LGALS13: variants seen among roughly 807,000 people sequenced by gnomAD.
LGALS13 encodes the protein galactoside-binding soluble lectin 13.
In LGALS13, 11 loss-of-function variants were observed where a neutral mutation model predicts 13.2. The ratio of observed to expected loss-of-function variants is 0.83; its 90% confidence interval spans 0.52 to 1.38. LGALS13 has a LOEUF of 1.38. Ranked by LOEUF, LGALS13 falls within the 40% of genes most tolerant of loss-of-function variation. The pLI, the probability that LGALS13 is intolerant of heterozygous loss-of-function variation, is 0.00. For synonymous variants in LGALS13, 71 were observed against 63.7 expected, an observed-to-expected ratio of 1.11 and a Z score of -0.54; for missense variants, 183 against 174.3, an observed-to-expected ratio of 1.05 and a Z score of -0.28.
rs1972650512 is a variant in LGALS13 at position 39,604,516 on chromosome 19, C to T, written c.16-86C>T. 4.7e-6 allele frequency: 7 copies of T among 1,484,764 alleles called. No homozygotes were observed. In the East Asian group the frequency reaches 1.1e-4, roughly 24 times the overall value. The allele number at this position is 1,484,764 out of a possible 1,614,324, so 92.0% of individuals were successfully genotyped here. ...TCCACAGAGTCTGCCCTTTCATCTC[C>T]AACCTCCTGCACCATGAGAATATGT... On this transcript the variant is annotated intron_variant, in intron 1 of 3. Transcript: ENST00000221797.
chr19:39,607,329 T>C lies in LGALS13; in HGVS notation c.410T>C (p.Val137Ala). The C allele has an allele frequency of 6.2e-7, 1 of 1,601,044 alleles. No individual in the cohort carries two copies. Among genetic ancestry groups the C allele is most frequent in the Non-Finnish European group, 8.6e-7 (1 of 1,168,024 alleles). The change falls in exon 4 of 4, where the codon GTC (valine) becomes GCC (alanine). Residue 137 changes from valine to alanine, a missense_variant. Transcript: ENST00000221797. Reference sequence around the variant, plus strand: ...GATATCTCCCTGACCTCAGTGTGTGTCTGCAATTGAGGGAGATGATCACAC... The same window carrying C: ...GATATCTCCCTGACCTCAGTGTGTGCCTGCAATTGAGGGAGATGATCACAC... ...SRDISLTSVC[V>A]CN is the part of the protein sequence containing the mutation.
intron 2 of LGALS13, 148 bp downstream of exon 2, chr19:39,604,826 A>G (rs1169059775): frequency 8.4e-6 from 8 of 949,914 alleles, no homozygotes; most frequent in Non-Finnish European, 1.3e-5. Flanking sequence ...CTCCAGCACC[A>G]GGCATGAGAC....
intron 3 of LGALS13, among the ~76,000 whole-genome samples, chr19:39,606,356 C>T (rs1289755606): frequency 2.6e-5 from 4 of 152,294 alleles, no homozygotes; most frequent in Middle Eastern, 3.4e-3. Context: ...GAAGTTTACC[C>T]AAAGTTGTGG....
intron 3 of LGALS13, among the ~76,000 whole-genome samples, chr19:39,606,972 G>C (rs1972699743): frequency 2.6e-5 from 4 of 152,190 alleles, no homozygotes; most frequent in Admixed American, 2.6e-4. Context: ...GGGAGGCTGA[G>C]TAAGCAAAGA....
In LGALS13 at chr19:39,605,355, G is replaced by A. The variant is rs778673788; in HGVS notation, c.270G>A (p.Glu90=). 1 of 1,614,196 alleles carries A rather than the reference G, an allele frequency of 6.2e-7. No homozygotes were observed. The highest frequency in any genetic ancestry group is 8.5e-7 in the Non-Finnish European group (1 of 1,180,034). ...CCTTTGAGGATGGCAAACAATTTGA[G>A]CTGTGCATCTACGTACATTACAATG... ...YVPFEDGKQF[E]LCIYVHYNEY... Residue 90 remains glutamate, a synonymous_variant, in exon 3 of 4, where the codon GAG becomes GAA. Transcript: ENST00000221797.
chr19:39,604,924 T>C (rs574200068), intron 2 of LGALS13, among the ~76,000 whole-genome samples: 1 of 152,226 alleles, frequency 6.6e-6, no homozygotes, highest in East Asian at 1.9e-4. Flanking sequence ...TCAGGGGGCA[T>C]AGAATTTTCG....
intron 1 of LGALS13, 71 bp from the exon 2 acceptor site, chr19:39,604,531 T>G: frequency 1.6e-4 from 241 of 1,541,996 alleles, no homozygotes; most frequent in Non-Finnish European, 2.0e-4. Context: ...TCCTGCACCA[T>G]GAGAATATGT....
intron 3 of LGALS13, among the ~76,000 whole-genome samples, chr19:39,605,701 C>A (rs1335683101): frequency 2.0e-5 from 3 of 151,494 alleles, no homozygotes; most frequent in African/African-American, 7.3e-5. Context: ...CAATATACTT[C>A]AGGAAAAAAA....
intron 2 of LGALS13, 40 bp from the exon 3 acceptor site, chr19:39,605,138 G>A (rs759680092): frequency 2.0e-6 from 3 of 1,537,234 alleles, no homozygotes; most frequent in South Asian, 1.1e-5. Flanking sequence ...GTCTGCGCAA[G>A]GGAGGGACCT....
Position 39,607,437 on chromosome 19 carries a change from T to C in LGALS13, c.*98T>C, listed in dbSNP as rs1600801466. ...AACAGAATAATCCCTGCTCACATTT[T>C]CCCCTACACTTTGTCATTAAAACAG... is the stretch of plus-strand genomic sequence containing the variant. On this transcript the variant is annotated 3_prime_UTR_variant, in exon 4 of 4. Coordinates refer to ENST00000221797, the MANE Select transcript of LGALS13 (RefSeq NM_013268.3). 1 of 827,872 alleles carries C rather than the reference T, an allele frequency of 1.2e-6. No homozygotes were observed. The highest frequency in any genetic ancestry group is 2.5e-5 in the East Asian group (1 of 40,408). The allele number at this position is 827,872 out of a possible 1,614,324, so 51.3% of individuals were successfully genotyped here. A position where few individuals can be genotyped will look rare whatever the true frequency, so the allele number is the denominator to read the frequency against.
chr19:39,604,990 G>T (rs1972660988), intron 2 of LGALS13, 188 bp from the exon 3 acceptor site: 2 of 685,998 alleles, frequency 2.9e-6, no homozygotes, highest in Admixed American at 2.1e-5. Flanking sequence ...TTCATCTGGG[G>T]ATGAGGAGCA....
rs981772676 is a variant in LGALS13, at chr19:39,607,465, C to T, written c.*126C>T. ...CCTACACTTTGTCATTAAAACAGCA[C>T]GAAAACTCACATGATTTGGTTCTTG... On this transcript the variant is annotated 3_prime_UTR_variant, in exon 4 of 4. Transcript: ENST00000221797. 7.2e-5 allele frequency: 52 copies of T among 717,474 alleles called. No homozygotes were observed. The highest frequency in any genetic ancestry group is 6.9e-4 in the African/African-American group (40 of 57,724). The allele number at this position is 717,474 out of a possible 1,614,324, so 44.4% of individuals were successfully genotyped here. A position where few individuals can be genotyped will look rare whatever the true frequency, so the allele number is the denominator to read the frequency against.
At chr19:39,604,782 T>G in intron 2 of LGALS13, 104 bp downstream of exon 2, 1 of 1,390,072 alleles carries the variant, frequency 7.2e-7, no homozygotes, top group East Asian at 2.3e-5. Context: ...GTTGGCAGAA[T>G]GGAGGCCCCA....
chr19:39,604,215 G>C (rs1223038489), intron 1 of LGALS13, among the ~76,000 whole-genome samples: 1 of 152,136 alleles, frequency 6.6e-6, no homozygotes, highest in Non-Finnish European at 1.5e-5. Context: ...ACCCTAAGAG[G>C]CCCTACGCAT....
At chr19:39,603,957 G>A (rs1568472229) in intron 1 of LGALS13, 2 of 985,298 alleles carry the variant, frequency 2.0e-6, no homozygotes, top group East Asian at 1.1e-4. Flanking sequence ...AAGTACTGGG[G>A]CTGTGCTCTC....
At chr19:39,604,539 T>C in intron 1 of LGALS13, 63 bp from the exon 2 acceptor site, 1 of 1,570,518 alleles carries the variant, frequency 6.4e-7, no homozygotes, top group Non-Finnish European at 8.8e-7. Context: ...CATGAGAATA[T>C]GTTACAGGAG....
intron 1 of LGALS13, among the ~76,000 whole-genome samples, chr19:39,603,646 TTGAGACCAGTC>T (rs1972635759): frequency 6.6e-6 from 1 of 151,928 alleles, no homozygotes; most frequent in South Asian, 2.1e-4. Context: ...GGCCAGAAGT[TTGAGACCAGTC>T]TGGGTATCAG....
At position 39,603,951 on chromosome 19, in the gene LGALS13, A is replaced by G. The variant is rs540838860; in HGVS notation, c.16-651A>G. On this transcript the variant is annotated intron_variant, in intron 1 of 3. Transcript: ENST00000221797. ...ACCCACAAGCTTCATTTGTGCAAGTACTGGGGCTGTGCTCTCAGTAGTGTG... is the reference window on the plus strand; with the variant it reads ...ACCCACAAGCTTCATTTGTGCAAGTGCTGGGGCTGTGCTCTCAGTAGTGTG... 9.9e-5 allele frequency: 98 copies of G among 985,376 alleles called. 1 individual carries two copies. The African/African-American group carries it at 1.7e-3, about 17-fold the overall frequency. The allele number at this position is 985,376 out of a possible 1,614,324, so 61.0% of individuals were successfully genotyped here.
At chr19:39,605,138 G>C in intron 2 of LGALS13, 40 bp from the exon 3 acceptor site, 1 of 1,537,234 alleles carries the variant, frequency 6.5e-7, no homozygotes, top group East Asian at 2.2e-5. Context: ...GTCTGCGCAA[G>C]GGAGGGACCT....
Sources: allele counts gnomAD v4.1 joint callset (sites outside exome capture counted in the v4.1 genomes callset), GRCh38; gene constraint gnomAD v4.1.1; transcripts MANE v1.5; gene names NCBI Gene and HGNC (gene_info 2026-07-23, HGNC 2026-07-21).